The following NEBL variants were observed in gnomAD, a reference collection of about 807,000 sequenced individuals.
NEBL encodes nebulette, also known as LIM and SH3 protein 2.
Under a neutral mutation model 140.2 loss-of-function variants are expected in NEBL, and 122 were observed. That is an observed-to-expected ratio of 0.87 (90% CI 0.75 to 1.01). The LOEUF is 1.01. Among genes scored for constraint, NEBL ranks in the 50% least tolerant of loss-of-function variants. NEBL has a pLI of 0.00. For synonymous variants in NEBL, 436 were observed against 398.9 expected, an observed-to-expected ratio of 1.09 and a Z score of -1.11; for missense variants, 1,365 against 1,231.3, an observed-to-expected ratio of 1.11 and a Z score of -1.62.
chr10:21,282,923 G>A (rs866801713), intron 1 of NEBL, among the ~76,000 whole-genome samples: 2 of 152,108 alleles, frequency 1.3e-5, no homozygotes, highest in South Asian at 2.1e-4. Context: ...TTAAGAGTTC[G>A]AGACCAGCCT....
intron 3 of NEBL, among the ~76,000 whole-genome samples, chr10:21,221,492 T>C (rs1842066411): frequency 1.4e-5 from 2 of 143,124 alleles, no homozygotes; most frequent in South Asian, 4.2e-4. Context: ...GAAAAACAGA[T>C]GTCTGATTTC....
Position 20,795,332 on chromosome 10 carries a change from T to A in NEBL, c.2762-8024A>T, listed in dbSNP as rs375346280. 3.0e-4 allele frequency among the ~76,000 whole-genome samples: 46 copies of A among 152,292 alleles called. No individual in the cohort carries two copies. The South Asian group carries it at 9.3e-3, about 31-fold the overall frequency. On this transcript the variant is annotated intron_variant, in intron 26 of 27. Transcript: ENST00000377122. ...AGAGGTTACTCTATTTGTCATTAAT[T>A]TGTGTGTATATGTGTGGTAAACATC...
chr10:21,061,447 G>A lies in NEBL; in HGVS notation c.165-41246C>T, dbSNP rs183515191. Among the ~76,000 whole-genome samples, 248 of 145,930 alleles carry A rather than the reference G, an allele frequency of 1.7e-3. 2 individuals carry two copies. Among genetic ancestry groups the A allele is most frequent in the African/African-American group, 4.3e-3 (173 of 39,944 alleles). On this transcript the variant is annotated intron_variant, in intron 2 of 6. Coordinates refer to the NEBL transcript ENST00000417816. The stretch of plus-strand genomic sequence containing the variant: ...TATTGCATGGTGTATGATATATATC[G>A]TATATTACATGATATATGATATATC...
intron 2 of NEBL, among the ~76,000 whole-genome samples, chr10:21,026,433 T>C (rs1271784183): frequency 2.0e-5 from 3 of 152,244 alleles, no homozygotes; most frequent in Admixed American, 6.5e-5. Flanking sequence ...AGGCAACCAC[T>C]AATTTTAAGA....
intron 2 of NEBL, among the ~76,000 whole-genome samples, chr10:21,073,501 G>A (rs812558): frequency 0.015 from 2,233 of 150,868 alleles, 19 homozygotes; most frequent in South Asian, 0.035. Flanking sequence ...CTTGTAATCC[G>A]AGCTACTCAG....
At chr10:21,091,764 T>C (rs1423519918) in intron 2 of NEBL, among the ~76,000 whole-genome samples, 1 of 152,192 alleles carries the variant, frequency 6.6e-6, no homozygotes, top group Non-Finnish European at 1.5e-5. Context: ...TTGCTAATAC[T>C]ACAGATGCAC....
intron 2 of NEBL, among the ~76,000 whole-genome samples, chr10:21,123,732 T>C (rs1361820659): frequency 1.3e-5 from 2 of 151,132 alleles, no homozygotes; most frequent in Non-Finnish European, 1.5e-5. Context: ...AGAATATATA[T>C]ATATATATCA....
chr10:20,985,770 G>A (rs1220458323), intron 3 of NEBL, among the ~76,000 whole-genome samples: 1 of 152,018 alleles, frequency 6.6e-6, no homozygotes, highest in African/African-American at 2.4e-5. Context: ...GTCTAAAAAG[G>A]TAAGTGAAAG....
chr10:21,050,386 T>G (rs1246111664), intron 2 of NEBL, among the ~76,000 whole-genome samples: 1 of 152,186 alleles, frequency 6.6e-6, no homozygotes, highest in East Asian at 1.9e-4. Context: ...GTAAAATCCC[T>G]ATATTATTTC....
intron 2 of NEBL, among the ~76,000 whole-genome samples, chr10:21,119,872 A>G (rs982755579): frequency 4.6e-5 from 7 of 151,946 alleles, no homozygotes; most frequent in East Asian, 1.9e-4. Context: ...TATCTCTTCA[A>G]TCTCCTTTAA....
At chr10:21,167,941 G>A (rs180715215) in intron 2 of NEBL, among the ~76,000 whole-genome samples, 5 of 152,164 alleles carry the variant, frequency 3.3e-5, no homozygotes, top group Middle Eastern at 3.4e-3. Flanking sequence ...AACATGGCAC[G>A]CACTCAAGTA....
chr10:21,240,708 G>GTT (rs1218260151), intron 3 of NEBL, among the ~76,000 whole-genome samples: 1 of 152,086 alleles, frequency 6.6e-6, no homozygotes. Flanking sequence ...GGTTTTTAAT[G>GTT]TTTTTACATT....
chr10:21,062,816 T>C (rs1037678698), intron 2 of NEBL, among the ~76,000 whole-genome samples: 2 of 152,144 alleles, frequency 1.3e-5, no homozygotes, highest in Non-Finnish European at 1.5e-5. Flanking sequence ...CACTGGGGCT[T>C]GAAATGTGGT....
chr10:20,900,815 A>G (rs1426639449), upstream of NEBL, among the ~76,000 whole-genome samples: 1 of 147,176 alleles, frequency 6.8e-6, no homozygotes, highest in Non-Finnish European at 1.5e-5. Context: ...ACTGCACTCC[A>G]GCCTAGGTGA....
At chr10:21,084,597 A>C (rs76047773) in intron 2 of NEBL, among the ~76,000 whole-genome samples, 3,769 of 148,264 alleles carry the variant, frequency 0.025, 155 homozygotes, top group African/African-American at 0.084. Context: ...ACTCTGTCCC[A>C]AAAAAAAAAT....
chr10:21,070,188 T>C (rs1835755039), intron 2 of NEBL, among the ~76,000 whole-genome samples: 2 of 152,226 alleles, frequency 1.3e-5, no homozygotes, highest in South Asian at 2.1e-4. Context: ...CGGACTGTTA[T>C]GGAAAGTGCT....
At chr10:20,941,299 C>T (rs184942567) in intron 4 of NEBL, among the ~76,000 whole-genome samples, 5 of 152,072 alleles carry the variant, frequency 3.3e-5, no homozygotes, top group Admixed American at 1.3e-4. Context: ...AATCAATAAA[C>T]GTAATCCAGC....
intron 20 of NEBL, 60 bp downstream of exon 20, chr10:20,819,364 A>C (rs1483330487): frequency 6.8e-6 from 11 of 1,610,818 alleles, no homozygotes; most frequent in African/African-American, 1.3e-5. Context: ...CAAAGGGCAT[A>C]TTTTTAAATA....
intron 2 of NEBL, among the ~76,000 whole-genome samples, chr10:21,024,843 C>T (rs1486893421): frequency 3.3e-5 from 5 of 152,064 alleles, no homozygotes; most frequent in South Asian, 2.1e-4. Flanking sequence ...GAAAAGAAAA[C>T]CAGATAAGAT....
Sources: allele counts gnomAD v4.1 joint callset (sites outside exome capture counted in the v4.1 genomes callset), GRCh38; gene constraint gnomAD v4.1.1; transcripts MANE v1.5; gene names NCBI Gene and HGNC (gene_info 2026-07-23, HGNC 2026-07-21).